Variants in UBTD2 observed in about 807,000 individuals in gnomAD.
UBTD2 encodes ubiquitin domain containing 2.
A neutral mutation model predicts 19.8 loss-of-function variants in UBTD2; 9 were observed. That is an observed-to-expected ratio of 0.46 (90% CI 0.27 to 0.79). The LOEUF (loss-of-function observed/expected upper bound fraction) is 0.79, where lower values mean the gene tolerates loss of function less well. UBTD2 is among the 30% of genes least tolerant of loss of function. UBTD2 has a pLI of 0.14. For synonymous variants in UBTD2, 98 were observed against 103.9 expected (o/e 0.94, Z 0.35); for missense variants, 250 against 300.4 (o/e 0.83, Z 1.24).
intron 1 of UBTD2, among the ~76,000 whole-genome samples, chr5:172,262,630 G>A (rs965224740): frequency 1.3e-5 from 2 of 151,566 alleles, no homozygotes; most frequent in African/African-American, 4.8e-5. Context: ...TCACCAACAA[G>A]GCAAAACCCC....
intron 1 of UBTD2, among the ~76,000 whole-genome samples, chr5:172,247,495 C>G (rs1025953087): frequency 2.6e-5 from 4 of 152,074 alleles, no homozygotes; most frequent in Admixed American, 1.3e-4. Context: ...CTGAGCAACA[C>G]TTTCTCAAAT....
At chr5:172,250,626 G>A (rs1328507098) in intron 1 of UBTD2, among the ~76,000 whole-genome samples, 1 of 152,126 alleles carries the variant, frequency 6.6e-6, no homozygotes, top group Non-Finnish European at 1.5e-5. Context: ...TATTAATGGA[G>A]ATAATAGTGA....
upstream of UBTD2, chr5:172,284,087 G>T (rs952718191): frequency 1.3e-5 from 2 of 150,288 alleles, no homozygotes; most frequent in South Asian, 2.1e-4. Flanking sequence ...CCGCACCCAC[G>T]GCCTGGGCTC....
At chr5:172,243,511 G>A (rs62381996) in intron 1 of UBTD2, among the ~76,000 whole-genome samples, 11,357 of 149,072 alleles carry the variant, frequency 0.076, 575 homozygotes, top group Middle Eastern at 0.12. Flanking sequence ...AAATCAGCTG[G>A]CACCTTGACT....
Position 172,283,476 on chromosome 5 carries a change from G to T in UBTD2, c.70+120C>A, listed in dbSNP as rs564641430. 1 of 737,468 alleles carries T rather than the reference G, an allele frequency of 1.4e-6. No homozygotes were observed. Among genetic ancestry groups the T allele is most frequent in the Non-Finnish European group, 1.8e-6 (1 of 544,602 alleles). The allele number at this position is 737,468 out of a possible 1,614,324, so 45.7% of individuals were successfully genotyped here. A position where few individuals can be genotyped will look rare whatever the true frequency, so the allele number is the denominator to read the frequency against. On this transcript the variant is annotated intron_variant, in intron 1 of 2. Coordinates refer to ENST00000393792, the MANE Select transcript of UBTD2 (RefSeq NM_152277.3). This position sits in a 1 kb window ranked among gnomAD's most constrained non-coding sequence, Gnocchi z 4.3. ...CCGGAAGCGGAGCGCGGGGAATGAC[G>T]TGGAAGAGGGGATGACAAAGGGGCG...
intron 1 of UBTD2, among the ~76,000 whole-genome samples, chr5:172,244,487 G>A (rs1372777379): frequency 1.3e-5 from 2 of 150,966 alleles, no homozygotes; most frequent in African/African-American, 4.9e-5. Flanking sequence ...TAGTAGAGAC[G>A]GGGTTTCTCC....
intron 2 of UBTD2, among the ~76,000 whole-genome samples, chr5:172,225,564 CAGTGTTAA>C (rs898609017): frequency 2.1e-4 from 32 of 152,156 alleles, no homozygotes; most frequent in Admixed American, 3.3e-4. Flanking sequence ...GACTGCAGCT[CAGTGTTAA>C]AAATTTTTAC....
chr5:172,260,490 T>C (rs893714419), intron 1 of UBTD2, among the ~76,000 whole-genome samples: 9 of 142,792 alleles, frequency 6.3e-5, no homozygotes, highest in African/African-American at 1.0e-4. Context: ...ATTTTTTCAC[T>C]TACGTGCTTG....
At chr5:172,245,980 C>T (rs994160312) in intron 1 of UBTD2, among the ~76,000 whole-genome samples, 5 of 152,082 alleles carry the variant, frequency 3.3e-5, no homozygotes, top group African/African-American at 1.2e-4. Flanking sequence ...GGATGTAATC[C>T]AAAATTACTC....
chr5:172,223,372 A>G (rs1771689398), intron 2 of UBTD2, among the ~76,000 whole-genome samples: 1 of 152,010 alleles, frequency 6.6e-6, no homozygotes, highest in African/African-American at 2.4e-5. Context: ...TGGGAGGCTG[A>G]GGTGGGCAGA....
At chr5:172,218,766 C>A (rs1164258691) in intron 2 of UBTD2, among the ~76,000 whole-genome samples, 2 of 135,320 alleles carry the variant, frequency 1.5e-5, no homozygotes, top group Non-Finnish European at 3.1e-5. Flanking sequence ...AAGAGTCAGA[C>A]CCTGTCACCA....
chr5:172,221,724 CAG>C (rs1486123725), intron 2 of UBTD2, among the ~76,000 whole-genome samples: 2 of 152,170 alleles, frequency 1.3e-5, no homozygotes, highest in Middle Eastern at 3.4e-3. Flanking sequence ...AGGTAGAACA[CAG>C]AGGATTTTTT....
intron 1 of UBTD2, chr5:172,242,427 A>G (rs1772150942): frequency 6.1e-6 from 6 of 985,396 alleles, no homozygotes; most frequent in Non-Finnish European, 7.2e-6. Context: ...TTGTCATTTG[A>G]TGTAGGCCAG....
At chr5:172,260,303 G>A (rs1755241547) in intron 1 of UBTD2, among the ~76,000 whole-genome samples, 1 of 151,362 alleles carries the variant, frequency 6.6e-6, no homozygotes, top group East Asian at 1.9e-4. Context: ...TGTTTTATCT[G>A]AAAACTTCTT....
rs149089450 is a variant in UBTD2 at position 172,238,617 on chromosome 5, A to C, written c.71-4259T>G. Among the ~76,000 whole-genome samples, 127 of 152,312 alleles carry C rather than the reference A, an allele frequency of 8.3e-4. No individual in the cohort carries two copies. In the East Asian group the frequency reaches 0.023, roughly 27 times the overall value. Reference sequence around the variant, plus strand: ...AACAGATCTAACACACAGAAAACCCAAGTAAGGCTTGTTTCTCAGATCTAA... The same window carrying C: ...AACAGATCTAACACACAGAAAACCCCAGTAAGGCTTGTTTCTCAGATCTAA... On this transcript the variant is annotated intron_variant, in intron 1 of 2. Transcript: ENST00000393792.
At chr5:172,238,883 C>T (rs1772064957) in intron 1 of UBTD2, among the ~76,000 whole-genome samples, 1 of 152,080 alleles carries the variant, frequency 6.6e-6, no homozygotes, top group Non-Finnish European at 1.5e-5. Context: ...ACAGCTTTAA[C>T]CGGTTGAAAA....
At chr5:172,275,097 A>G (rs1755580446) in intron 1 of UBTD2, among the ~76,000 whole-genome samples, 1 of 152,228 alleles carries the variant, frequency 6.6e-6, no homozygotes, top group East Asian at 1.9e-4. Flanking sequence ...ATTGACTCAC[A>G]GTTCCGCAGG....
At chr5:172,264,906 CA>C (rs1395773427) in intron 1 of UBTD2, among the ~76,000 whole-genome samples, 1 of 151,742 alleles carries the variant, frequency 6.6e-6, no homozygotes, top group African/African-American at 2.4e-5. Context: ...GAAAACAAAA[CA>C]AAAAAAATTC....
intron 1 of UBTD2, among the ~76,000 whole-genome samples, chr5:172,239,539 G>C (rs965890124): frequency 6.6e-6 from 1 of 151,932 alleles, no homozygotes; most frequent in Non-Finnish European, 1.5e-5. Flanking sequence ...TCCTGCCTCA[G>C]CCTCCCGAGT....
Sources: gnomAD v4.1 joint callset for allele counts (sites outside exome capture counted in the v4.1 genomes callset) on GRCh38, gnomAD v4.1.1 for gene constraint, Gnocchi (gnomAD v3.1) non-coding constraint, MANE v1.5 for transcripts, NCBI Gene and HGNC (gene_info 2026-07-23, HGNC 2026-07-21) for gene names.